Variants in CCDC66 observed in about 807,000 individuals in gnomAD.
CCDC66 encodes coiled-coil domain containing 66.
Under a neutral mutation model 128.3 loss-of-function variants are expected in CCDC66, and 133 were observed. The ratio of observed to expected loss-of-function variants is 1.04; its 90% confidence interval spans 0.90 to 1.20. The LOEUF (loss-of-function observed/expected upper bound fraction) is 1.20. Among genes scored for constraint, CCDC66 ranks in the 50% most tolerant of loss-of-function variants. CCDC66 has a pLI of 0.00. For synonymous variants in CCDC66, 387 were observed against 357.0 expected, an observed-to-expected ratio of 1.08 and a Z score of -0.95; for missense variants, 1,126 against 1,075.5, an observed-to-expected ratio of 1.05 and a Z score of -0.66.
At position 56,621,665 on chromosome 3, in the gene CCDC66, A is replaced by C; in HGVS notation, c.*47A>C. On this transcript the variant is annotated 3_prime_UTR_variant, in exon 18 of 18. Coordinates refer to ENST00000394672, the MANE Select transcript of CCDC66 (RefSeq NM_001141947.3). Reference sequence around the variant, plus strand: ...ACATTTGATTTGTGTCTTCCAAATTATAAAATGTGCTCACTGGCTCAACTG... The same window carrying C: ...ACATTTGATTTGTGTCTTCCAAATTCTAAAATGTGCTCACTGGCTCAACTG... 1 of 1,314,792 alleles carries C rather than the reference A, an allele frequency of 7.6e-7. No individual in the cohort carries two copies. Among genetic ancestry groups the C allele is most frequent in the Non-Finnish European group, 1.1e-6 (1 of 930,402 alleles). The allele number at this position is 1,314,792 out of a possible 1,614,324, so 81.4% of individuals were successfully genotyped here. A position where few individuals can be genotyped will look rare whatever the true frequency, so the allele number is the denominator to read the frequency against.
intron 6 of CCDC66, among the ~76,000 whole-genome samples, chr3:56,567,618 G>C (rs1361082056): frequency 6.6e-6 from 1 of 152,178 alleles, no homozygotes; most frequent in Non-Finnish European, 1.5e-5. Context: ...GAAACAATAG[G>C]GGTTGGAGCA....
At chr3:56,600,506 T>C (rs978469427) in intron 10 of CCDC66, among the ~76,000 whole-genome samples, 3 of 152,000 alleles carry the variant, frequency 2.0e-5, no homozygotes, top group African/African-American at 4.8e-5. Context: ...AGTAATGGGA[T>C]TGCTGGGTCG....
rs1232830908 is a variant in CCDC66, at chr3:56,584,187, C to T, written c.937-8783C>T. Among the ~76,000 whole-genome samples, 32 of 147,278 alleles carry T rather than the reference C, an allele frequency of 2.2e-4. 1 individual carries two copies. Among genetic ancestry groups the T allele is most frequent in the East Asian group, 2.1e-4 (1 of 4,712 alleles). On this transcript the variant is annotated intron_variant, in intron 7 of 17. Coordinates refer to ENST00000394672, the MANE Select transcript of CCDC66 (RefSeq NM_001141947.3). ...CCCACCTCCCGGGCGGGGCGGCTGC[C>T]GGGCGGAGACGCTCCTCACTTCCCA...
At chr3:56,561,511 G>A in intron 3 of CCDC66, 2 of 284,780 alleles carry the variant, frequency 7.0e-6, no homozygotes, top group Non-Finnish European at 1.4e-5. Context: ...AACTGATGTT[G>A]AGCCTAAATT....
intron 16 of CCDC66, 27 bp downstream of exon 16, chr3:56,619,554 G>A: frequency 1.3e-6 from 2 of 1,553,738 alleles, no homozygotes; most frequent in Non-Finnish European, 8.6e-7. Flanking sequence ...CATTCTAACT[G>A]TAAAAATTGA....
intron 4 of CCDC66, among the ~76,000 whole-genome samples, chr3:56,566,313 C>T (rs1178310551): frequency 4.6e-5 from 7 of 151,896 alleles, no homozygotes; most frequent in South Asian, 2.1e-4. Context: ...TTTGTAGAGA[C>T]GAGGTTTTGT....
At chr3:56,571,026 A>G (rs1212924971) in intron 6 of CCDC66, among the ~76,000 whole-genome samples, 155 bp from the exon 7 acceptor site, 1 of 152,224 alleles carries the variant, frequency 6.6e-6, no homozygotes, top group Admixed American at 6.5e-5. Context: ...CTGTGTCCCT[A>G]AAAAATTATT....
At chr3:56,609,793 T>C (rs2074548272) in intron 10 of CCDC66, among the ~76,000 whole-genome samples, 1 of 152,214 alleles carries the variant, frequency 6.6e-6, no homozygotes, top group African/African-American at 2.4e-5. Context: ...GGCTTGGTAA[T>C]GGCGAATTCT....
At position 56,619,350 on chromosome 3, in the gene CCDC66, A is replaced by C. The variant is rs1410725126; in HGVS notation, c.2458A>C (p.Ser820Arg). The change falls in exon 16 of 18, where the codon AGT becomes CGT. Residue 820 changes from serine to arginine, a missense_variant. Physicochemically the swap from Ser to Arg is moderately radical, Grantham distance 110. Coordinates refer to ENST00000394672, the MANE Select transcript of CCDC66 (RefSeq NM_001141947.3). ...QNTLHLPLKN[S>R]SYERENLISG... ...TACATTACATTTACCACTAAAAAAC[A>C]GTAGCTATGAGAGAGAGAATTTGAT... 3.1e-6 allele frequency: 5 copies of C among 1,613,864 alleles called. No homozygotes were observed. Among genetic ancestry groups the C allele is most frequent in the Non-Finnish European group, 4.2e-6 (5 of 1,179,874 alleles).
At chr3:56,605,737 A>G (rs1347174172) in intron 10 of CCDC66, among the ~76,000 whole-genome samples, 1 of 151,952 alleles carries the variant, frequency 6.6e-6, no homozygotes, top group Non-Finnish European at 1.5e-5. Flanking sequence ...CCTAGTCAGG[A>G]TACATGGGTG....
intron 12 of CCDC66, chr3:56,615,506 TG>T (rs1251972727): frequency 4.6e-6 from 2 of 435,564 alleles, no homozygotes; most frequent in Non-Finnish European, 8.1e-6. Context: ...CCCAAAGTGT[TG>T]GGATTACAGG....
chr3:56,583,573 C>T (rs1381823790), intron 7 of CCDC66, among the ~76,000 whole-genome samples: 1 of 151,872 alleles, frequency 6.6e-6, no homozygotes, highest in Non-Finnish European at 1.5e-5. Context: ...CCATTTAACC[C>T]TGAGTGGACA....
At chr3:56,586,466 G>A (rs920636801) in intron 7 of CCDC66, among the ~76,000 whole-genome samples, 2 of 151,332 alleles carry the variant, frequency 1.3e-5, no homozygotes, top group Admixed American at 6.7e-5. Flanking sequence ...GGGAGGCAAA[G>A]GTTACAGTGA....
At chr3:56,562,031 T>A (rs1023329841) in intron 3 of CCDC66, among the ~76,000 whole-genome samples, 6 of 151,998 alleles carry the variant, frequency 3.9e-5, no homozygotes, top group Admixed American at 3.9e-4. Context: ...AATCTGTGCA[T>A]TTTTCTTTTC....
chr3:56,589,086 C>G (rs929935159), intron 7 of CCDC66, among the ~76,000 whole-genome samples: 5 of 152,010 alleles, frequency 3.3e-5, no homozygotes, highest in Admixed American at 6.6e-5. Context: ...AATTGATAAG[C>G]CCCTCATAAA....
intron 17 of CCDC66, chr3:56,621,174 CA>C (rs1559799679): frequency 6.5e-6 from 1 of 153,680 alleles, no homozygotes; most frequent in South Asian, 2.1e-4. Context: ...AAAAACAAAA[CA>C]ACAACAACAA....
At chr3:56,580,770 T>G (rs1411375626) in intron 7 of CCDC66, among the ~76,000 whole-genome samples, 3 of 151,918 alleles carry the variant, frequency 2.0e-5, no homozygotes, top group African/African-American at 7.2e-5. Flanking sequence ...AGTTTCTGCT[T>G]AGGGATCCAC....
chr3:56,559,697 G>C (rs2064850913), intron 3 of CCDC66, 103 bp downstream of exon 3: 1 of 878,142 alleles, frequency 1.1e-6, no homozygotes, highest in African/African-American at 1.8e-5. Context: ...TGTTCTAAGG[G>C]GTTTGGAATT....
intron 10 of CCDC66, among the ~76,000 whole-genome samples, chr3:56,594,280 CTTAGG>C (rs2071451650): frequency 6.8e-6 from 1 of 146,756 alleles, no homozygotes; most frequent in South Asian, 2.1e-4. Flanking sequence ...TTTGTGTTGT[CTTAGG>C]TTAGTACTGG....
Sources: gnomAD v4.1 joint callset for allele counts (sites outside exome capture counted in the v4.1 genomes callset) on GRCh38, gnomAD v4.1.1 for gene constraint, MANE v1.5 for transcripts, NCBI Gene and HGNC (gene_info 2026-07-23, HGNC 2026-07-21) for gene names.